Variants in COG5 observed in about 807,000 individuals in gnomAD.
COG5 encodes conserved oligomeric Golgi complex subunit 5.
In COG5, 86 loss-of-function variants were observed where a neutral mutation model predicts 110.4. The ratio of observed to expected loss-of-function variants is 0.78; its 90% CI spans 0.65 to 0.93. The LOEUF is 0.93. Among genes scored for constraint, COG5 ranks in the 40% least tolerant of loss-of-function variants. COG5 has a pLI of 0.00. For synonymous variants in COG5, 360 were observed against 334.6 expected (o/e 1.08, Z -0.83); for missense variants, 1,077 against 987.0 (o/e 1.09, Z -1.22).
At chr7:107,507,553 C>T (rs1215324239) in intron 6 of COG5, among the ~76,000 whole-genome samples, 2 of 151,046 alleles carry the variant, frequency 1.3e-5, no homozygotes, top group African/African-American at 2.4e-5. Flanking sequence ...GTGATCCACC[C>T]GCCTCAGCCT....
intron 6 of COG5, among the ~76,000 whole-genome samples, chr7:107,481,976 C>G (rs1797381598): frequency 1.3e-5 from 2 of 152,044 alleles, no homozygotes; most frequent in South Asian, 4.2e-4. Context: ...TTTTTAACCT[C>G]AGACCCTATT....
intron 7 of COG5, among the ~76,000 whole-genome samples, chr7:107,410,606 C>G (rs771084913): frequency 1.3e-5 from 2 of 151,998 alleles, no homozygotes; most frequent in Non-Finnish European, 2.9e-5. Context: ...CAATGCCTGG[C>G]TAATTTTGTA....
chr7:107,376,085 G>A (rs559900738), intron 7 of COG5, among the ~76,000 whole-genome samples: 4 of 152,046 alleles, frequency 2.6e-5, no homozygotes, highest in African/African-American at 4.8e-5. Flanking sequence ...CCGCACTCCC[G>A]AAAAGTCACC....
At chr7:107,341,074 C>A (rs904046089) in intron 10 of COG5, among the ~76,000 whole-genome samples, 4 of 152,004 alleles carry the variant, frequency 2.6e-5, no homozygotes, top group African/African-American at 9.7e-5. Context: ...ATTTGGAAAA[C>A]AGGATGTCAA....
At chr7:107,210,391 C>G (rs1799075398) in intron 21 of COG5, 135 bp downstream of exon 21, 2 of 1,473,394 alleles carry the variant, frequency 1.4e-6, no homozygotes, top group Non-Finnish European at 9.0e-7. Flanking sequence ...CGTGCCTAGG[C>G]AGTGAGGTGG....
chr7:107,218,176 C>T (rs1303801928), intron 19 of COG5, among the ~76,000 whole-genome samples: 1 of 151,916 alleles, frequency 6.6e-6, no homozygotes, highest in Non-Finnish European at 1.5e-5. Context: ...ACACTAAAAA[C>T]CGTAAAACAT....
At position 107,324,452 on chromosome 7, in the gene COG5, T is replaced by C. The variant is rs768962367; in HGVS notation, c.1096A>G (p.Met366Val). 5.0e-6 allele frequency: 8 copies of C among 1,590,344 alleles called. No individual in the cohort carries two copies. In the Admixed American group the frequency reaches 6.7e-5, roughly 13 times the overall value. ...GTAGTAAACTTACAGTTTGTTGCCA[T>C]ATGAAATTGAGAAGAAAGTGCCTGA... is the stretch of plus-strand genomic sequence containing the variant. ...VTQALSSQFHMATNSSMFLKQ... is the reference protein window; with the variant it reads ...VTQALSSQFHVATNSSMFLKQ... The change falls in exon 11 of 22, where the codon ATG becomes GTG. Residue 366 changes from methionine to valine, a missense_variant. Coordinates refer to ENST00000297135, the MANE Select transcript of COG5 (RefSeq NM_006348.5).
At chr7:107,396,398 T>C (rs1158913283) in intron 7 of COG5, among the ~76,000 whole-genome samples, 6 of 151,828 alleles carry the variant, frequency 4.0e-5, no homozygotes, top group Admixed American at 2.0e-4. Flanking sequence ...ATAATACAAA[T>C]AAAATTAAGA....
intron 17 of COG5, among the ~76,000 whole-genome samples, chr7:107,241,911 A>G (rs1801670843): frequency 1.3e-5 from 2 of 151,944 alleles, no homozygotes; most frequent in South Asian, 4.2e-4. Flanking sequence ...CTCCCCAAAG[A>G]GCTGGAACTA....
chr7:107,212,456 G>C (rs540373084), intron 19 of COG5, among the ~76,000 whole-genome samples: 8 of 152,216 alleles, frequency 5.3e-5, no homozygotes, highest in African/African-American at 1.9e-4. Flanking sequence ...GATAATTCAA[G>C]TATCTAAACA....
intron 5 of COG5, among the ~76,000 whole-genome samples, chr7:107,543,590 T>C (rs1584950741): frequency 6.6e-6 from 1 of 151,788 alleles, no homozygotes. Context: ...TAGCCCAAGA[T>C]GTTAGGCTAG....
intron 8 of COG5, among the ~76,000 whole-genome samples, chr7:107,365,614 A>G (rs1813540772): frequency 6.7e-6 from 1 of 150,242 alleles, no homozygotes; most frequent in East Asian, 1.9e-4. Context: ...AAAAAAAAAA[A>G]AAAAAAAAGA....
intron 14 of COG5, 91 bp downstream of exon 14, chr7:107,281,209 G>C: frequency 1.2e-6 from 1 of 856,552 alleles, no homozygotes; most frequent in Non-Finnish European, 1.9e-6. Context: ...TAAGTAAATA[G>C]TCAATTCAAT....
At chr7:107,211,656 C>A (rs1562913485) in intron 19 of COG5, among the ~76,000 whole-genome samples, 1 of 152,160 alleles carries the variant, frequency 6.6e-6, no homozygotes, top group Non-Finnish European at 1.5e-5. Context: ...GTGGTATATG[C>A]AAACATTTTC....
chr7:107,368,499 C>T (rs1250448329), intron 8 of COG5, among the ~76,000 whole-genome samples: 1 of 151,916 alleles, frequency 6.6e-6, no homozygotes, highest in Non-Finnish European at 1.5e-5. Context: ...GTTTCTGGAT[C>T]GCTGGTTTAG....
At chr7:107,408,671 A>T (rs1263027094) in intron 7 of COG5, among the ~76,000 whole-genome samples, 2 of 152,200 alleles carry the variant, frequency 1.3e-5, no homozygotes, top group Non-Finnish European at 2.9e-5. Flanking sequence ...TTCTTCTATC[A>T]GCTCTAATGG....
chr7:107,278,343 A>T (rs980501502), intron 14 of COG5, among the ~76,000 whole-genome samples: 2 of 152,054 alleles, frequency 1.3e-5, no homozygotes, highest in Non-Finnish European at 2.9e-5. Flanking sequence ...ACATAGGTAT[A>T]CACGTGCCAT....
At chr7:107,209,812 A>G in intron 21 of COG5, 3 of 985,178 alleles carry the variant, frequency 3.0e-6, no homozygotes, top group Non-Finnish European at 3.6e-6. Flanking sequence ...GTCCCAGTTT[A>G]TGAGTTTACA....
intron 14 of COG5, among the ~76,000 whole-genome samples, chr7:107,262,189 C>T (rs1318095585): frequency 6.6e-6 from 1 of 152,148 alleles, no homozygotes; most frequent in African/African-American, 2.4e-5. Flanking sequence ...CCGCACCGGC[C>T]GTCCCTTTGA....
Sources: gnomAD v4.1 joint callset for allele counts (sites outside exome capture counted in the v4.1 genomes callset) on GRCh38, gnomAD v4.1.1 for gene constraint, MANE v1.5 for transcripts, NCBI Gene and HGNC (gene_info 2026-07-23, HGNC 2026-07-21) for gene names.